The following ARHGEF16 variants were observed in gnomAD, a reference collection of about 807,000 sequenced individuals.
The protein encoded by ARHGEF16 is Rho guanine nucleotide exchange factor 16.
Under a neutral mutation model 74.1 loss-of-function variants are expected in ARHGEF16, and 59 were observed. The observed-to-expected ratio is 0.80, with a 90% CI of 0.65 to 0.99. The LOEUF (loss-of-function observed/expected upper bound fraction) is 0.99, where lower values mean the gene tolerates loss of function less well. Among genes scored for constraint, ARHGEF16 ranks in the 50% least tolerant of loss-of-function variants. The probability of loss-of-function intolerance (pLI) is 0.00; values close to 1 mark genes in which losing one functional copy is unlikely to be tolerated. For synonymous variants in ARHGEF16, 415 were observed against 412.6 expected (o/e 1.01, Z -0.07); for missense variants, 948 against 986.6 (o/e 0.96, Z 0.52).
rs1639648975 is a variant in ARHGEF16, at chr1:3,469,612, C to T, written c.1022+19C>T. On this transcript the variant is annotated intron_variant, in intron 6 of 14. Transcript: ENST00000378378. ...GTCAGAGGTGAGGCCACGCCACAGCCTTCCACACAGGGTCCTCTGCCAGGA... is the reference window on the plus strand; with the variant it reads ...GTCAGAGGTGAGGCCACGCCACAGCTTTCCACACAGGGTCCTCTGCCAGGA... The T allele has an allele frequency of 6.2e-7, 1 of 1,612,030 alleles. No homozygotes were observed. Among genetic ancestry groups the T allele is most frequent in the Admixed American group, 1.7e-5 (1 of 59,992 alleles).
intron 8 of ARHGEF16, 84 bp from the exon 9 acceptor site, chr1:3,474,624 C>T: frequency 1.5e-6 from 2 of 1,356,674 alleles, no homozygotes; most frequent in Middle Eastern, 1.8e-4. Context: ...CCCTGCAGCC[C>T]CACACGGGGT....
intron 8 of ARHGEF16, 65 bp from the exon 9 acceptor site, chr1:3,474,643 G>A (rs1639831763): frequency 6.7e-7 from 1 of 1,491,410 alleles, no homozygotes; most frequent in Non-Finnish European, 9.3e-7. Flanking sequence ...GTCTGGCGTT[G>A]GTGGGAGCCT....
intron 1 of ARHGEF16, among the ~76,000 whole-genome samples, chr1:3,458,248 T>C (rs1016669501): frequency 1.3e-5 from 2 of 152,150 alleles, no homozygotes; most frequent in African/African-American, 4.8e-5. Context: ...CCAGCCAGCC[T>C]GCGGCTCCCT....
chr1:3,462,203 C>CCCTGCCACCACCACA (rs1553183525), intron 1 of ARHGEF16, among the ~76,000 whole-genome samples: 1 of 152,108 alleles, frequency 6.6e-6, no homozygotes, highest in Non-Finnish European at 1.5e-5. Context: ...GGGCTGCCAC[C>CCCTGCCACCACCACA]CCTGCCACCA....
Position 3,463,576 on chromosome 1 carries a change from A to G in ARHGEF16, c.492A>G (p.Pro164=). 6.9e-7 allele frequency: 1 copy of G among 1,450,550 alleles called. No individual in the cohort carries two copies. The highest frequency in any genetic ancestry group is 9.1e-7 in the Non-Finnish European group (1 of 1,097,914). The allele number at this position is 1,450,550 out of a possible 1,614,324, so 89.9% of individuals were successfully genotyped here. The part of the protein sequence containing the change: ...YRAAMKGLGK[P]GGQGDAIQLS... ...CGGCCATGAAGGGCCTGGGGAAGCC[A>G]GGTGGCCAGGGAGATGCCATCCAGC... The change falls in exon 2 of 15, where the codon CCA becomes CCG. Residue 164 remains proline (P), a synonymous_variant. Transcript: ENST00000378378.
chr1:3,472,296 G>T (rs1202797065), intron 6 of ARHGEF16, among the ~76,000 whole-genome samples: 1 of 152,238 alleles, frequency 6.6e-6, no homozygotes, highest in East Asian at 1.9e-4. Context: ...GGCCGCCCAT[G>T]GGGGCAGAAT....
chr1:3,477,853 C>T, intron 10 of ARHGEF16, 22 bp from the exon 11 acceptor site: 1 of 1,611,528 alleles, frequency 6.2e-7, no homozygotes, highest in Non-Finnish European at 8.5e-7. Context: ...CTGATCTCCG[C>T]CTCCCGGCTC....
chr1:3,480,196 GCTC>G (rs1195208211), intron 14 of ARHGEF16, among the ~76,000 whole-genome samples: 2 of 152,244 alleles, frequency 1.3e-5, no homozygotes, highest in Non-Finnish European at 2.9e-5. Context: ...GGCAGGCAGG[GCTC>G]CTCCTCATGC....
intron 2 of ARHGEF16, chr1:3,465,928 C>T: frequency 1.8e-6 from 1 of 571,350 alleles, no homozygotes; most frequent in Non-Finnish European, 3.1e-6. Flanking sequence ...CCTTCCTCCT[C>T]CTCCAAGCAG....
rs2487677 is a variant in ARHGEF16, at chr1:3,480,624, T to C, written c.*37T>C. 1,591,042 of 1,593,322 alleles carry C rather than the reference T, an allele frequency of 1. 794,411 individuals carry two copies. The highest frequency in any genetic ancestry group is 1 in the East Asian group (44,758 of 44,758). On this transcript the variant is annotated 3_prime_UTR_variant, in exon 15 of 15. Transcript: ENST00000378378. Reference sequence around the variant, plus strand: ...CCAGCCGGCGGCAGCACAGCCTGTCTCCAATCAGCAAGTGGTCGTGCCTGG... The same window carrying C: ...CCAGCCGGCGGCAGCACAGCCTGTCCCCAATCAGCAAGTGGTCGTGCCTGG...
rs765283215 is a variant in ARHGEF16 at position 3,474,738 on chromosome 1, G to A, written c.1336G>A (p.Glu446Lys). The change falls in exon 9 of 15, where the codon GAA becomes AAA. Residue 446 changes from glutamate (E) to lysine (K), a missense_variant. Physicochemically the swap from Glu to Lys is moderately conservative, Grantham distance 56. Coordinates refer to ENST00000378378, the MANE Select transcript of ARHGEF16 (RefSeq NM_014448.4). Reference protein sequence around the residue: ...TLCLKTQGHSERYKAASRALK... With the variant: ...TLCLKTQGHSKRYKAASRALK... Reference sequence around the variant, plus strand: ...CTGCCTCAAGACCCAGGGCCACTCCGAAAGGTACAAGGCTGCCAGCCGTGC... The same window carrying A: ...CTGCCTCAAGACCCAGGGCCACTCCAAAAGGTACAAGGCTGCCAGCCGTGC... 29 of 1,612,758 alleles carry A rather than the reference G, an allele frequency of 1.8e-5. No individual in the cohort carries two copies. The highest frequency in any genetic ancestry group is 5.0e-5 in the Admixed American group (3 of 60,000).
chr1:3,468,121 G>A (rs926483650), intron 4 of ARHGEF16, among the ~76,000 whole-genome samples: 10 of 152,218 alleles, frequency 6.6e-5, no homozygotes, highest in African/African-American at 2.4e-4. Context: ...CTCCTGCTGG[G>A]AGCTGGGGGC....
chr1:3,467,342 C>T lies in ARHGEF16; in HGVS notation c.804+5C>T, dbSNP rs759414883. 11 of 1,544,754 alleles carry T rather than the reference C, an allele frequency of 7.1e-6. No homozygotes were observed. Among genetic ancestry groups the T allele is most frequent in the Non-Finnish European group, 9.6e-6 (11 of 1,143,282 alleles). ...ACCTGGAGCCAGCTCCCAGAGGTAGCGCCGGAGGGTGGGTGAGGCTGCCCC... is the reference window on the plus strand; with the variant it reads ...ACCTGGAGCCAGCTCCCAGAGGTAGTGCCGGAGGGTGGGTGAGGCTGCCCC... On this transcript the variant is annotated splice_donor_5th_base_variant and intron_variant, in intron 4 of 14. Coordinates refer to ENST00000378378, the MANE Select transcript of ARHGEF16 (RefSeq NM_014448.4).
chr1:3,479,143 G>A (rs1210657170), intron 12 of ARHGEF16, among the ~76,000 whole-genome samples: 1 of 152,230 alleles, frequency 6.6e-6, no homozygotes, highest in African/African-American at 2.4e-5. Context: ...ACACAGGTGC[G>A]CCAGTCTCCA....
Position 3,479,551 on chromosome 1 carries a change from C to T in ARHGEF16, c.1849C>T (p.His617Tyr). The stretch of plus-strand genomic sequence containing the variant: ...GGCACGGTGGATCGTGGCGCTCACA[C>T]ACAGTGAGAGACAGTGGCAGGGCCT... ...DRARWIVALT[H>Y]SERQWQGLSS... Residue 617 changes from histidine (H) to tyrosine (Y), a missense_variant, in exon 13 of 15, where the codon CAC becomes TAC. By Grantham distance (83) the His-to-Tyr change is moderately conservative (BLOSUM62 2). Coordinates refer to ENST00000378378, the MANE Select transcript of ARHGEF16 (RefSeq NM_014448.4). 2.5e-6 allele frequency: 4 copies of T among 1,612,634 alleles called. No homozygotes were observed. Among genetic ancestry groups the T allele is most frequent in the Non-Finnish European group, 3.4e-6 (4 of 1,179,894 alleles).
At chr1:3,456,502 G>A (rs1439369329) in intron 1 of ARHGEF16, among the ~76,000 whole-genome samples, 3 of 152,156 alleles carry the variant, frequency 2.0e-5, no homozygotes, top group Admixed American at 6.5e-5. Context: ...CACTCCCCCC[G>A]GTCCCCATTT....
At chr1:3,455,997 C>T (rs1050886417) in intron 1 of ARHGEF16, among the ~76,000 whole-genome samples, 1 of 152,268 alleles carries the variant, frequency 6.6e-6, no homozygotes, top group Admixed American at 6.5e-5. Context: ...TGAAGGTAGG[C>T]ACTCCTCACC....
chr1:3,478,161 C>T lies in ARHGEF16; in HGVS notation c.1625+135C>T, dbSNP rs551830067. The stretch of plus-strand genomic sequence containing the variant: ...GCCGAGGCGCGGCTTCCACTCGGCA[C>T]ATGCTCTACGTGACACTCGGGGGCA... On this transcript the variant is annotated intron_variant, in intron 11 of 14. Transcript: ENST00000378378. 26 of 1,280,694 alleles carry T rather than the reference C, an allele frequency of 2.0e-5. No homozygotes were observed. In the African/African-American group the frequency reaches 3.8e-4, roughly 19 times the overall value. The allele number at this position is 1,280,694 out of a possible 1,614,324, so 79.3% of individuals were successfully genotyped here.
chr1:3,471,449 G>A (rs889607664), intron 6 of ARHGEF16, among the ~76,000 whole-genome samples: 2 of 152,106 alleles, frequency 1.3e-5, no homozygotes, highest in African/African-American at 4.8e-5. Flanking sequence ...GCAGGGAGCC[G>A]CCTTGTCCCT....
Sources: gnomAD v4.1 joint callset for allele counts (sites outside exome capture counted in the v4.1 genomes callset) on GRCh38, gnomAD v4.1.1 for gene constraint, MANE v1.5 for transcripts, NCBI Gene and HGNC (gene_info 2026-07-23, HGNC 2026-07-21) for gene names.